The following STK32B variants were observed in gnomAD, a reference collection of about 807,000 sequenced individuals.
STK32B encodes serine/threonine-protein kinase 32B.
Under a neutral mutation model 52.6 loss-of-function variants are expected in STK32B, and 43 were observed. The observed-to-expected ratio is 0.82, with a 90% CI of 0.64 to 1.05. STK32B has a LOEUF of 1.05. STK32B is among the 50% of genes least tolerant of loss of function. STK32B has a pLI of 0.00. For synonymous variants in STK32B, 238 were observed against 204.3 expected (o/e 1.17, Z -1.41); for missense variants, 621 against 534.6 (o/e 1.16, Z -1.59).
At chr4:5,089,012 T>C (rs1712896260) in intron 1 of STK32B, among the ~76,000 whole-genome samples, 1 of 151,850 alleles carries the variant, frequency 6.6e-6, no homozygotes, top group Admixed American at 6.6e-5. Flanking sequence ...AAAAATTTGC[T>C]CTTGGAAGAG....
At chr4:5,441,831 A>G (rs1714797992) in intron 6 of STK32B, among the ~76,000 whole-genome samples, 1 of 136,064 alleles carries the variant, frequency 7.3e-6, no homozygotes, top group South Asian at 3.0e-4. Flanking sequence ...TTCAAAGAAC[A>G]TCTTTATTTC....
intron 11 of STK32B, among the ~76,000 whole-genome samples, chr4:5,472,015 T>C (rs114250810): frequency 0.016 from 2,445 of 152,266 alleles, 71 homozygotes; most frequent in African/African-American, 0.055. Context: ...TACAGAAAGC[T>C]CTTGGGGAGA....
chr4:5,448,184 C>T (rs1236585116), intron 7 of STK32B, among the ~76,000 whole-genome samples: 1 of 152,166 alleles, frequency 6.6e-6, no homozygotes, highest in African/African-American at 2.4e-5. Context: ...CCCTGAATTC[C>T]TCAAAAACAT....
At chr4:5,101,290 A>C (rs1713774622) in intron 1 of STK32B, among the ~76,000 whole-genome samples, 1 of 152,168 alleles carries the variant, frequency 6.6e-6, no homozygotes, top group Non-Finnish European at 1.5e-5. Context: ...GAGGGTCTGC[A>C]CTGTTCCGCA....
chr4:5,259,053 A>T (rs1447723388), intron 3 of STK32B, among the ~76,000 whole-genome samples: 1 of 152,176 alleles, frequency 6.6e-6, no homozygotes, highest in Non-Finnish European at 1.5e-5. Context: ...AGAGTTTTAC[A>T]TGACAACCTC....
chr4:5,483,052 T>A (rs1718851679), intron 11 of STK32B, among the ~76,000 whole-genome samples: 1 of 152,142 alleles, frequency 6.6e-6, no homozygotes, highest in South Asian at 2.1e-4. Flanking sequence ...AATTCTCTTT[T>A]TTGGTTGTGT....
intron 7 of STK32B, among the ~76,000 whole-genome samples, chr4:5,451,218 G>A (rs1227086897): frequency 1.3e-5 from 2 of 152,198 alleles, no homozygotes; most frequent in African/African-American, 4.8e-5. Flanking sequence ...GCTGACTTAG[G>A]TTTAGAGGAG....
chr4:5,482,777 T>G (rs1718827273), intron 11 of STK32B, among the ~76,000 whole-genome samples: 1 of 152,224 alleles, frequency 6.6e-6, no homozygotes, highest in Admixed American at 6.5e-5. Flanking sequence ...ACCTAATTCA[T>G]TAAGAGTTTT....
intron 9 of STK32B, among the ~76,000 whole-genome samples, chr4:5,465,177 A>AATG (rs1249804240): frequency 1.3e-5 from 2 of 152,164 alleles, no homozygotes; most frequent in Non-Finnish European, 2.9e-5. Flanking sequence ...TTAGCCCACG[A>AATG]ATGACACAGT....
At chr4:5,113,570 T>C (rs1714525621) in intron 1 of STK32B, among the ~76,000 whole-genome samples, 1 of 151,826 alleles carries the variant, frequency 6.6e-6, no homozygotes, top group Non-Finnish European at 1.5e-5. Context: ...ATGACCTATG[T>C]TGTTAAATGG....
rs75407079 is a variant in STK32B at position 5,198,064 on chromosome 4, C to G, written c.260+29614C>G. 2.1e-3 allele frequency among the ~76,000 whole-genome samples: 321 copies of G among 152,116 alleles called. 7 individuals are homozygous for G. In the East Asian group the frequency reaches 0.052, roughly 24 times the overall value. ...AATGTGCTATCTCATGCCATAGAAA[C>G]TACCCCCTATGATGAACTGTTCTTA... is the stretch of plus-strand genomic sequence containing the variant. On this transcript the variant is annotated intron_variant, in intron 3 of 11. Coordinates refer to ENST00000282908, the MANE Select transcript of STK32B (RefSeq NM_018401.3).
chr4:5,485,116 C>G (rs892051429), intron 11 of STK32B, among the ~76,000 whole-genome samples: 1 of 151,252 alleles, frequency 6.6e-6, no homozygotes, highest in East Asian at 2.0e-4. Context: ...TCTGTATTTC[C>G]TGAATCTGAA....
chr4:5,183,967 T>C (rs1179602878), intron 3 of STK32B, among the ~76,000 whole-genome samples: 1 of 152,194 alleles, frequency 6.6e-6, no homozygotes, highest in Non-Finnish European at 1.5e-5. Flanking sequence ...TGATTTTCTA[T>C]CCAGACCACT....
chr4:5,209,675 C>G (rs1722788468), intron 3 of STK32B, among the ~76,000 whole-genome samples: 1 of 152,182 alleles, frequency 6.6e-6, no homozygotes, highest in Non-Finnish European at 1.5e-5. Flanking sequence ...ATCCCAGCAG[C>G]TGCCATCTAC....
At chr4:5,145,346 G>T (rs1182749566) in intron 2 of STK32B, among the ~76,000 whole-genome samples, 1 of 152,184 alleles carries the variant, frequency 6.6e-6, no homozygotes, top group Non-Finnish European at 1.5e-5. Context: ...AGATTTGCCT[G>T]TAGTTTTTCT....
In STK32B at chr4:5,372,634, T is replaced by C. The variant is rs140869589; in HGVS notation, c.435-25573T>C. On this transcript the variant is annotated intron_variant, in intron 4 of 11. Transcript: ENST00000282908. ...CCATCTTTTCTGGGTCAGTGGACTATTTAATAAAATTTCAGCTCTACCTGT... is the reference window on the plus strand; with the variant it reads ...CCATCTTTTCTGGGTCAGTGGACTACTTAATAAAATTTCAGCTCTACCTGT... Among the ~76,000 whole-genome samples the C allele has an allele frequency of 6.2e-3, 942 of 151,890 alleles. 6 individuals carry two copies. The highest frequency in any genetic ancestry group is 0.022 in the African/African-American group (916 of 41,416).
rs1017516147 is a variant in STK32B at position 5,392,064 on chromosome 4, A to G, written c.435-6143A>G. 1.2e-4 allele frequency among the ~76,000 whole-genome samples: 18 copies of G among 152,224 alleles called. 1 individual carries two copies. The highest frequency in any genetic ancestry group is 1.0e-4 in the Non-Finnish European group (7 of 68,044). The stretch of plus-strand genomic sequence containing the variant: ...TTTGTAAGGATATTTGAATCATATT[A>G]AAAAAGAAATGCAATCTTGCATGTG... On this transcript the variant is annotated intron_variant, in intron 4 of 11. Transcript: ENST00000282908.
At chr4:5,031,766 G>C in the STK32B span, among the ~76,000 whole-genome samples, 1 of 152,112 alleles carries the variant, frequency 6.6e-6, no homozygotes, top group African/African-American at 2.4e-5. Context: ...CCACTTAGCA[G>C]GCCTGTGATA....
At chr4:5,440,472 T>C (rs1393971939) in intron 6 of STK32B, among the ~76,000 whole-genome samples, 1 of 152,220 alleles carries the variant, frequency 6.6e-6, no homozygotes, top group Non-Finnish European at 1.5e-5. Flanking sequence ...GAGACTTTGC[T>C]GAAGTTGCTT....
Sources: gnomAD v4.1 joint callset for allele counts (sites outside exome capture counted in the v4.1 genomes callset) on GRCh38, gnomAD v4.1.1 for gene constraint, MANE v1.5 for transcripts, NCBI Gene and HGNC (gene_info 2026-07-23, HGNC 2026-07-21) for gene names.